The following SYNPO2 variants were observed in gnomAD, a reference collection of about 807,000 sequenced individuals.
SYNPO2 encodes synaptopodin-2.
In SYNPO2, 56 loss-of-function variants were observed where a neutral mutation model predicts 85.0. The ratio of observed to expected loss-of-function variants is 0.66; its 90% CI spans 0.53 to 0.82. The LOEUF is 0.82. SYNPO2 is among the 40% of genes least tolerant of loss of function. The pLI is 0.00. For synonymous variants in SYNPO2, 602 were observed against 591.1 expected, an observed-to-expected ratio of 1.02 and a Z score of -0.27; for missense variants, 1,575 against 1,534.2, an observed-to-expected ratio of 1.03 and a Z score of -0.44.
At chr4:118,938,303 G>A (rs962316458) in intron 1 of SYNPO2, among the ~76,000 whole-genome samples, 2 of 152,132 alleles carry the variant, frequency 1.3e-5, no homozygotes, top group African/African-American at 4.8e-5. Flanking sequence ...CTGGCTGACG[G>A]AGCAAGATTC....
At chr4:118,941,799 C>T (rs62327793) in intron 1 of SYNPO2, among the ~76,000 whole-genome samples, 5,618 of 152,252 alleles carry the variant, frequency 0.037, 131 homozygotes, top group Non-Finnish European at 0.053. Flanking sequence ...GCAGACCACA[C>T]GGGGAAACAC....
At chr4:118,897,600 A>G (rs1732590731) in intron 1 of SYNPO2, among the ~76,000 whole-genome samples, 1 of 152,218 alleles carries the variant, frequency 6.6e-6, no homozygotes, top group Non-Finnish European at 1.5e-5. Context: ...AAACTCATAT[A>G]TGATGTTTAC....
At chr4:118,886,823 A>C (rs1348966826), upstream of SYNPO2, among the ~76,000 whole-genome samples, 1 of 136,904 alleles carries the variant, frequency 7.3e-6, no homozygotes, top group African/African-American at 2.5e-5. Context: ...ATGACCTTCA[A>C]AGGGTCTCTT....
rs139951111 is a variant in SYNPO2 at position 118,909,140 on chromosome 4, C to T, written c.105+19999C>T. ...CACACGGCTCATATGTACCCTCGAA[C>T]ATCCTTGTGACATTAACAAAAAATA... On this transcript the variant is annotated intron_variant, in intron 1 of 4. Transcript: ENST00000307142. Among the ~76,000 whole-genome samples the T allele has an allele frequency of 4.5e-3, 680 of 152,208 alleles. 5 individuals carry two copies. Among genetic ancestry groups the T allele is most frequent in the Middle Eastern group, 0.02 (6 of 294 alleles).
intron 1 of SYNPO2, among the ~76,000 whole-genome samples, chr4:118,932,636 G>A (rs974887128): frequency 2.0e-5 from 3 of 152,070 alleles, no homozygotes; most frequent in Non-Finnish European, 2.9e-5. Context: ...GTTCACGTTC[G>A]GCAGAAAATG....
At chr4:118,896,779 T>C (rs1476372633) in intron 1 of SYNPO2, among the ~76,000 whole-genome samples, 1 of 152,220 alleles carries the variant, frequency 6.6e-6, no homozygotes, top group African/African-American at 2.4e-5. Flanking sequence ...GTGTTTCAGA[T>C]AAATGAACAG....
chr4:119,045,760 A>G (rs1561025884), intron 4 of SYNPO2, among the ~76,000 whole-genome samples: 2 of 152,240 alleles, frequency 1.3e-5, no homozygotes, highest in South Asian at 4.1e-4. Context: ...CTGTTCCTCA[A>G]GAATTATAAA....
At chr4:118,912,461 A>G (rs10021334) in intron 1 of SYNPO2, among the ~76,000 whole-genome samples, 29,693 of 152,072 alleles carry the variant, frequency 0.2, 2,996 homozygotes, top group African/African-American at 0.25. Context: ...GATTATAGGC[A>G]TGAGCCATGG....
intron 1 of SYNPO2, among the ~76,000 whole-genome samples, chr4:118,864,769 C>T (rs1457827471): frequency 1.3e-5 from 2 of 152,138 alleles, no homozygotes; most frequent in African/African-American, 4.8e-5. Flanking sequence ...GCTAATCCTG[C>T]TCTTTTTCTG....
chr4:118,988,218 C>T (rs997790029), intron 1 of SYNPO2, among the ~76,000 whole-genome samples: 1 of 152,052 alleles, frequency 6.6e-6, no homozygotes, highest in Non-Finnish European at 1.5e-5. Flanking sequence ...TGAATGTACA[C>T]CTGTGTAGCT....
chr4:118,962,489 TCTTA>T lies in SYNPO2; in HGVS notation c.106-60937_106-60934del, dbSNP rs761414368. Among the ~76,000 whole-genome samples, 91 of 152,350 alleles carry T rather than the reference TCTTA, an allele frequency of 6.0e-4. No individual in the cohort carries two copies. In the Middle Eastern group the frequency reaches 0.01, roughly 17 times the overall value. On this transcript the variant is annotated intron_variant, in intron 1 of 4. Coordinates refer to ENST00000307142, the MANE Select transcript of SYNPO2 (RefSeq NM_133477.3). The stretch of plus-strand genomic sequence containing the variant: ...TATAATAATAATTAAAGTATTCAGT[TCTTA>T]CTTTCTAAAAACATTAACCCTGCTA...
chr4:118,881,320 G>A (rs1732094925), intron 1 of SYNPO2, among the ~76,000 whole-genome samples: 1 of 148,848 alleles, frequency 6.7e-6, no homozygotes, highest in South Asian at 2.1e-4. Flanking sequence ...AAAAAAAGAA[G>A]AAGAAGAAGA....
intron 1 of SYNPO2, among the ~76,000 whole-genome samples, chr4:118,963,836 A>G (rs1735196229): frequency 6.6e-6 from 1 of 152,270 alleles, no homozygotes; most frequent in Non-Finnish European, 1.5e-5. Flanking sequence ...ATAAAGGCCT[A>G]GGAGACTTGT....
At chr4:118,934,533 T>C (rs1156461021) in intron 1 of SYNPO2, among the ~76,000 whole-genome samples, 2 of 152,140 alleles carry the variant, frequency 1.3e-5, no homozygotes, top group African/African-American at 4.8e-5. Context: ...GCCAGAGAAA[T>C]GAAATGCACC....
chr4:118,989,269 C>T (rs1736325326), intron 1 of SYNPO2, among the ~76,000 whole-genome samples: 2 of 152,052 alleles, frequency 1.3e-5, no homozygotes, highest in South Asian at 4.1e-4. Flanking sequence ...GATGTTGTGC[C>T]CATAGCTTGA....
intron 1 of SYNPO2, among the ~76,000 whole-genome samples, chr4:118,913,483 G>A (rs368225814): frequency 6.6e-6 from 1 of 152,122 alleles, no homozygotes. Flanking sequence ...TTGTGAGAAA[G>A]GTCAGTGAAT....
chr4:118,889,160 G>A lies in SYNPO2; in HGVS notation c.105+19G>A. ...TGCAAAGGTAGGACCTGAACGAAGT[G>A]TCACGGCTCTGTGCTAGGAAGGAAG... On this transcript the variant is annotated intron_variant, in intron 1 of 4. Transcript: ENST00000307142. 3.1e-6 allele frequency: 5 copies of A among 1,611,946 alleles called. No homozygotes were observed. The highest frequency in any genetic ancestry group is 4.2e-6 in the Non-Finnish European group (5 of 1,178,462).
At chr4:118,913,362 G>A (rs931275274) in intron 1 of SYNPO2, among the ~76,000 whole-genome samples, 1 of 152,164 alleles carries the variant, frequency 6.6e-6, no homozygotes, top group Admixed American at 6.6e-5. Context: ...CTGGAGCAAT[G>A]ACACAGAAGG....
intron 1 of SYNPO2, among the ~76,000 whole-genome samples, chr4:118,853,625 A>C (rs1731458815): frequency 6.8e-6 from 1 of 147,226 alleles, no homozygotes; most frequent in South Asian, 2.2e-4. Context: ...CAGTATGCAG[A>C]GTCATAACTG....
Sources: gnomAD v4.1 joint callset for allele counts (sites outside exome capture counted in the v4.1 genomes callset) on GRCh38, gnomAD v4.1.1 for gene constraint, MANE v1.5 for transcripts, NCBI Gene and HGNC (gene_info 2026-07-23, HGNC 2026-07-21) for gene names.